CSMD3: variants seen among roughly 807,000 people sequenced by gnomAD.
The protein encoded by CSMD3 is CUB and Sushi multiple domains 3.
CSMD3 carries 177 observed loss-of-function variants against 435.2 expected under a neutral mutation model. The ratio of observed to expected loss-of-function variants is 0.41; its 90% confidence interval spans 0.36 to 0.46. The LOEUF (loss-of-function observed/expected upper bound fraction) is 0.46. Ranked by LOEUF, CSMD3 falls within the 20% of genes least tolerant of loss-of-function variation. The probability of loss-of-function intolerance (pLI) is 0.34; values close to 1 mark genes in which losing one functional copy is unlikely to be tolerated. For synonymous variants in CSMD3, 1,656 were observed against 1,520.5 expected (o/e 1.09, Z -2.07); for missense variants, 4,265 against 4,504.6 (o/e 0.95, Z 1.52).
chr8:112,656,352 A>G lies in CSMD3; in HGVS notation c.2817-11T>C. 1 of 1,596,550 alleles carries G rather than the reference A, an allele frequency of 6.3e-7. No individual in the cohort carries two copies. Among genetic ancestry groups the G allele is most frequent in the Non-Finnish European group, 8.6e-7 (1 of 1,164,808 alleles). ...AGTTCAGTCTGAAATCTAAGATTAA[A>G]AGACACATGTGAAAATATATTTAGA... is the stretch of plus-strand genomic sequence containing the variant. On this transcript the variant is annotated splice_polypyrimidine_tract_variant and intron_variant, in intron 17 of 70. Transcript: ENST00000297405.
At chr8:112,725,269 G>C (rs983903729) in intron 13 of CSMD3, among the ~76,000 whole-genome samples, 2 of 151,954 alleles carry the variant, frequency 1.3e-5, no homozygotes, top group Non-Finnish European at 2.9e-5. Flanking sequence ...AAATCTTAGA[G>C]TAGGTTAGAA....
intron 13 of CSMD3, among the ~76,000 whole-genome samples, chr8:112,757,658 T>G (rs1196198094): frequency 6.6e-6 from 1 of 152,150 alleles, no homozygotes; most frequent in Non-Finnish European, 1.5e-5. Context: ...TTGTTCAGTA[T>G]TTTTCTCTTA....
At chr8:112,284,994 T>C (rs1256220685) in intron 58 of CSMD3, among the ~76,000 whole-genome samples, 1 of 152,058 alleles carries the variant, frequency 6.6e-6, no homozygotes, top group East Asian at 1.9e-4. Context: ...ATTTTTTCTA[T>C]AGGTTACAGT....
chr8:113,169,111 A>C (rs1472869855), intron 4 of CSMD3, among the ~76,000 whole-genome samples: 2 of 152,148 alleles, frequency 1.3e-5, no homozygotes, highest in African/African-American at 4.8e-5. Flanking sequence ...TTGATCCAGA[A>C]AATTGTTGAT....
chr8:112,868,865 A>G (rs1386542358), intron 10 of CSMD3, among the ~76,000 whole-genome samples: 1 of 152,160 alleles, frequency 6.6e-6, no homozygotes, highest in East Asian at 1.9e-4. Flanking sequence ...AATTAGCTTG[A>G]AATGGATTAA....
At chr8:112,630,199 A>T (rs2074475478) in intron 22 of CSMD3, among the ~76,000 whole-genome samples, 1 of 152,186 alleles carries the variant, frequency 6.6e-6, no homozygotes, top group Non-Finnish European at 1.5e-5. Context: ...AAGTAACTGT[A>T]TTGTATAAAG....
intron 13 of CSMD3, among the ~76,000 whole-genome samples, chr8:112,715,233 C>T (rs1010844434): frequency 1.3e-5 from 2 of 151,804 alleles, no homozygotes; most frequent in Admixed American, 6.6e-5. Context: ...AAAAATGTCA[C>T]AATAAAAATG....
At chr8:112,226,797 G>A (rs1812602127) in intron 70 of CSMD3, among the ~76,000 whole-genome samples, 2 of 152,014 alleles carry the variant, frequency 1.3e-5, no homozygotes, top group African/African-American at 4.8e-5. Context: ...GCACATAAAA[G>A]GATGCTTAAC....
chr8:112,663,542 C>T (rs2075441182), intron 17 of CSMD3, among the ~76,000 whole-genome samples: 1 of 151,468 alleles, frequency 6.6e-6, no homozygotes, highest in Non-Finnish European at 1.5e-5. Context: ...TGTTAAATGA[C>T]AAGTTAATGG....
chr8:112,533,122 A>G (rs1586618171), intron 27 of CSMD3, among the ~76,000 whole-genome samples: 1 of 152,186 alleles, frequency 6.6e-6, no homozygotes, highest in African/African-American at 2.4e-5. Flanking sequence ...ATAATAGAGA[A>G]AGTAAAAATA....
intron 1 of CSMD3, among the ~76,000 whole-genome samples, chr8:113,336,733 C>T (rs969435898): frequency 6.6e-6 from 1 of 152,004 alleles, no homozygotes; most frequent in Admixed American, 6.6e-5. Flanking sequence ...TCTTTTGACA[C>T]CACCCCAGCA....
rs143264039 is a variant in CSMD3 at position 112,373,974 on chromosome 8, C to A, written c.6136+6378G>T. Among the ~76,000 whole-genome samples the A allele has an allele frequency of 1.4e-3, 212 of 152,262 alleles. 2 individuals are homozygous for A. Among genetic ancestry groups the A allele is most frequent in the African/African-American group, 4.7e-3 (195 of 41,544 alleles). ...CAAACAGATTTTAACTGTTATTCAA[C>A]CTGTTCTTAGCAATGCAGCCAAAAA... On this transcript the variant is annotated intron_variant, in intron 38 of 70. Coordinates refer to ENST00000297405, the MANE Select transcript of CSMD3 (RefSeq NM_198123.2).
chr8:113,185,749 G>T (rs988695700), intron 3 of CSMD3, among the ~76,000 whole-genome samples: 1 of 151,792 alleles, frequency 6.6e-6, no homozygotes, highest in South Asian at 2.1e-4. Flanking sequence ...GTGTGCATGC[G>T]TGTGTGTGTG....
At chr8:112,971,354 T>G (rs2084649752) in intron 7 of CSMD3, among the ~76,000 whole-genome samples, 1 of 152,132 alleles carries the variant, frequency 6.6e-6, no homozygotes, top group Non-Finnish European at 1.5e-5. Flanking sequence ...CTTTGGGAAT[T>G]GAACTTATTG....
chr8:113,058,773 C>T (rs2088466799), intron 5 of CSMD3, among the ~76,000 whole-genome samples: 1 of 151,828 alleles, frequency 6.6e-6, no homozygotes. Flanking sequence ...TTTCTTATGG[C>T]TTCACTTATT....
intron 11 of CSMD3, among the ~76,000 whole-genome samples, chr8:112,858,539 G>GA (rs1179011964): frequency 2.0e-5 from 3 of 151,662 alleles, no homozygotes; most frequent in Non-Finnish European, 4.4e-5. Context: ...GAGCAGGAAA[G>GA]AAAAAACAGC....
intron 1 of CSMD3, among the ~76,000 whole-genome samples, chr8:113,344,336 T>C (rs1051010207): frequency 6.6e-6 from 1 of 152,116 alleles, no homozygotes; most frequent in African/African-American, 2.4e-5. Context: ...GTTTTTTTCT[T>C]TCCAGTTAGA....
intron 3 of CSMD3, among the ~76,000 whole-genome samples, chr8:113,244,155 C>T (rs1224002021): frequency 6.6e-6 from 1 of 152,122 alleles, no homozygotes; most frequent in Non-Finnish European, 1.5e-5. Context: ...ATGTTTTTAA[C>T]TCTGATGAAA....
intron 10 of CSMD3, among the ~76,000 whole-genome samples, chr8:112,902,431 C>T (rs1267754638): frequency 6.6e-6 from 1 of 151,136 alleles, no homozygotes; most frequent in African/African-American, 2.4e-5. Flanking sequence ...CTCAGCTTTA[C>T]GTTTTAAAAA....
Sources: allele counts gnomAD v4.1 joint callset (sites outside exome capture counted in the v4.1 genomes callset), GRCh38; gene constraint gnomAD v4.1.1; transcripts MANE v1.5; gene names NCBI Gene and HGNC (gene_info 2026-07-23, HGNC 2026-07-21).